Variants in SAR1A observed in about 807,000 individuals in gnomAD.
The protein encoded by SAR1A is secretion associated Ras related GTPase 1A, also known as small COPII coat GTPase SAR1A.
A neutral mutation model predicts 22.6 loss-of-function variants in SAR1A; 6 were observed. The ratio of observed to expected loss-of-function variants is 0.27; its 90% CI spans 0.15 to 0.52. The LOEUF is 0.52. Among genes scored for constraint, SAR1A ranks in the 20% least tolerant of loss-of-function variants. SAR1A has a pLI of 0.96. For missense variants in SAR1A, 145 were observed against 245.1 expected (o/e 0.59, Z 2.73); for synonymous variants, 70 against 82.2 (o/e 0.85, Z 0.80).
intron 5 of SAR1A, among the ~76,000 whole-genome samples, chr10:70,154,892 A>G (rs1839368263): frequency 6.6e-6 from 1 of 152,236 alleles, no homozygotes; most frequent in African/African-American, 2.4e-5. Context: ...GCAAAGTCTT[A>G]GAAAAGATCT....
intron 4 of SAR1A, 39 bp from the exon 5 acceptor site, chr10:70,157,906 T>C: frequency 7.3e-7 from 1 of 1,376,012 alleles, no homozygotes; most frequent in Non-Finnish European, 1.0e-6. Context: ...GTAAAAAATA[T>C]ACATTGTGAA....
At chr10:70,161,185 G>T in intron 3 of SAR1A, 116 bp from the exon 4 acceptor site, 1 of 761,498 alleles carries the variant, frequency 1.3e-6, no homozygotes, top group Non-Finnish European at 2.1e-6. Flanking sequence ...ACAAGAAGTT[G>T]AGTGTGGTGG....
At chr10:70,165,137 C>T (rs1839530694) in intron 1 of SAR1A, among the ~76,000 whole-genome samples, 1 of 150,560 alleles carries the variant, frequency 6.6e-6, no homozygotes, top group Non-Finnish European at 1.5e-5. Flanking sequence ...TAGTGGCGGG[C>T]GCCTGTGGTC....
At chr10:70,159,571 A>G (rs969621229) in intron 4 of SAR1A, among the ~76,000 whole-genome samples, 2 of 152,136 alleles carry the variant, frequency 1.3e-5, no homozygotes, top group African/African-American at 4.8e-5. Flanking sequence ...CAGGAAGTAG[A>G]GGTTGCAGTA....
chr10:70,156,597 A>G (rs1041017360), intron 5 of SAR1A, among the ~76,000 whole-genome samples: 2 of 151,844 alleles, frequency 1.3e-5, no homozygotes, highest in African/African-American at 4.8e-5. Context: ...GCTTGAGCCC[A>G]GAAGTCTGGA....
At chr10:70,170,110 G>T (rs950654297) in intron 1 of SAR1A, among the ~76,000 whole-genome samples, 1 of 152,112 alleles carries the variant, frequency 6.6e-6, no homozygotes. Flanking sequence ...AGAGGACATG[G>T]AGCCATTTCG....
At chr10:70,170,226 A>G (rs1839608222) in intron 1 of SAR1A, among the ~76,000 whole-genome samples, 187 bp downstream of exon 1, 1 of 151,802 alleles carries the variant, frequency 6.6e-6, no homozygotes, top group Non-Finnish European at 1.5e-5. Context: ...ACAGCAGGGG[A>G]CGGAGCAGAT....
intron 5 of SAR1A, among the ~76,000 whole-genome samples, chr10:70,156,671 TAAA>T (rs34673042): frequency 1.6e-4 from 22 of 135,926 alleles, no homozygotes; most frequent in East Asian, 2.1e-4. Context: ...AGATTCTGTT[TAAA>T]AAAAAAAAAA....
intron 1 of SAR1A, chr10:70,162,576 T>G (rs1839489613): frequency 6.6e-6 from 1 of 151,638 alleles, no homozygotes; most frequent in African/African-American, 2.4e-5. Context: ...TGACACAGAT[T>G]TTGCAATCTG....
At chr10:70,156,822 G>A (rs563234425) in intron 5 of SAR1A, among the ~76,000 whole-genome samples, 1 of 152,238 alleles carries the variant, frequency 6.6e-6, no homozygotes, top group East Asian at 1.9e-4. Flanking sequence ...AAATCAAAGA[G>A]AAAGAAGAGA....
chr10:70,166,799 G>A (rs1310188290), intron 1 of SAR1A: 1 of 149,638 alleles, frequency 6.7e-6, no homozygotes, highest in Non-Finnish European at 1.5e-5. Context: ...GACCAGCCTG[G>A]GTAACATAGA....
chr10:70,157,196 A>C (rs1429801364), intron 5 of SAR1A, among the ~76,000 whole-genome samples: 3 of 152,194 alleles, frequency 2.0e-5, no homozygotes, highest in African/African-American at 7.2e-5. Flanking sequence ...TGAGGTCAGG[A>C]GATCAAGACC....
At position 70,162,437 on chromosome 10, in the gene SAR1A, G is replaced by GGAAAGGAAAGGAAAA. The variant is rs1465950286; in HGVS notation, c.-16-507_-16-506insTTTTCCTTTCCTTTC. 7.9e-5 allele frequency among the ~76,000 whole-genome samples: 10 copies of GGAAAGGAAAGGAAAA among 126,880 alleles called. 1 individual carries two copies. The highest frequency in any genetic ancestry group is 3.0e-4 in the African/African-American group (10 of 33,896). The allele number at this position is 126,880 out of a possible 152,430, so 83.2% of individuals were successfully genotyped here. A position where few individuals can be genotyped will look rare whatever the true frequency, so the allele number is the denominator to read the frequency against. On this transcript the variant is annotated intron_variant, in intron 1 of 6. Coordinates refer to ENST00000373241, the MANE Select transcript of SAR1A (RefSeq NM_020150.5). ...AAAGGGAAAGGGAAAGGAAAGGAAA[G>GGAAAGGAAAGGAAAA]GAAAAGAAAAGAAAAGAGAGGGGAG...
intron 1 of SAR1A, among the ~76,000 whole-genome samples, chr10:70,165,364 T>C (rs1054030621): frequency 2.6e-5 from 4 of 152,060 alleles, no homozygotes; most frequent in Admixed American, 2.6e-4. Flanking sequence ...GAAAACCTCC[T>C]GGAAAGGAGT....
chr10:70,170,173 C>A (rs1217964313), intron 1 of SAR1A, among the ~76,000 whole-genome samples: 1 of 152,070 alleles, frequency 6.6e-6, no homozygotes, highest in Non-Finnish European at 1.5e-5. Flanking sequence ...CCAGCAGCTG[C>A]GAGACCCCCG....
At chr10:70,164,099 T>G in intron 1 of SAR1A, 1 of 752,554 alleles carries the variant, frequency 1.3e-6, no homozygotes, top group East Asian at 2.5e-5. Context: ...AAGTAAACTA[T>G]GAGTTTGTAC....
chr10:70,156,921 T>TG (rs1839395741), intron 5 of SAR1A, among the ~76,000 whole-genome samples: 1 of 152,032 alleles, frequency 6.6e-6, no homozygotes, highest in South Asian at 2.1e-4. Flanking sequence ...GGAGAAAACT[T>TG]GAAGTGAGTC....
At chr10:70,161,473 T>TGA in intron 3 of SAR1A, 146 bp downstream of exon 3, 1 of 840,828 alleles carries the variant, frequency 1.2e-6, no homozygotes, top group Middle Eastern at 3.7e-4. Context: ...GTACATAACC[T>TGA]GAGTGTGTCT....
At chr10:70,163,291 G>A (rs929390773) in intron 1 of SAR1A, among the ~76,000 whole-genome samples, 1 of 152,202 alleles carries the variant, frequency 6.6e-6, no homozygotes, top group Non-Finnish European at 1.5e-5. Context: ...TGATGTAGAA[G>A]CTGCAGCAAG....
Sources: gnomAD v4.1 joint callset for allele counts (sites outside exome capture counted in the v4.1 genomes callset) on GRCh38, gnomAD v4.1.1 for gene constraint, MANE v1.5 for transcripts, NCBI Gene and HGNC (gene_info 2026-07-23, HGNC 2026-07-21) for gene names.